The following EFHC2 variants were observed in gnomAD, a reference collection of about 807,000 sequenced individuals.
EFHC2 encodes EF-hand domain containing 2.
EFHC2 carries 18 observed loss-of-function variants against 52.7 expected under a neutral mutation model. The observed-to-expected ratio is 0.34, with a 90% CI of 0.24 to 0.51. The LOEUF (loss-of-function observed/expected upper bound fraction) is 0.51. Among genes scored for constraint, EFHC2 ranks in the 20% least tolerant of loss-of-function variants. The pLI, the probability that EFHC2 is intolerant of heterozygous loss-of-function variation, is 0.97. For missense variants in EFHC2, 513 were observed against 562.5 expected (o/e 0.91, Z 0.89); for synonymous variants, 203 against 204.1 (o/e 0.99, Z 0.04).
At chrX:44,341,174 T>C (rs1457010461) in intron 1 of EFHC2, among the ~76,000 whole-genome samples, 1 of 111,696 alleles carries the variant, frequency 9.0e-6, no homozygotes, top group Admixed American at 9.6e-5. Context: ...ACCAAACATT[T>C]CCATTGATAA....
Position 44,248,790 on chromosome X carries a change from T to C in EFHC2, c.972+13A>G, listed in dbSNP as rs768210054. 4 of 1,180,494 alleles carry C rather than the reference T, an allele frequency of 3.4e-6. No homozygotes were observed. The South Asian group carries it at 7.2e-5, about 21-fold the overall frequency. ...CACACTAGAAACAGGTAATAAAATA[T>C]GAGGTTCCTTCCCTTATATCTATCG... On this transcript the variant is annotated intron_variant, in intron 6 of 14. Coordinates refer to ENST00000420999, the MANE Select transcript of EFHC2 (RefSeq NM_025184.4).
intron 13 of EFHC2, among the ~76,000 whole-genome samples, chrX:44,168,552 A>G (rs1447316645): frequency 9.2e-6 from 1 of 108,565 alleles, no homozygotes; most frequent in Non-Finnish European, 1.9e-5. Flanking sequence ...AAAAAAAAAG[A>G]AAGCAAGAGC....
chrX:44,274,448 C>T (rs1303930997), intron 2 of EFHC2, among the ~76,000 whole-genome samples: 1 of 111,959 alleles, frequency 8.9e-6, no homozygotes, highest in Non-Finnish European at 1.9e-5. Context: ...GTTGCACAGC[C>T]TTGTGGATAT....
chrX:44,269,359 C>T (rs993786829), intron 3 of EFHC2, among the ~76,000 whole-genome samples: 4 of 110,610 alleles, frequency 3.6e-5, no homozygotes, highest in Non-Finnish European at 5.7e-5. Flanking sequence ...TATCATGACT[C>T]AACCACAGAG....
chrX:44,154,295 T>A (rs1022939158), intron 14 of EFHC2, among the ~76,000 whole-genome samples: 3 of 112,722 alleles, frequency 2.7e-5, no homozygotes, highest in Non-Finnish European at 5.6e-5. Flanking sequence ...TTCCTCCACT[T>A]CAAGAGCAGC....
At chrX:44,157,993 C>A (rs1186315645) in intron 14 of EFHC2, among the ~76,000 whole-genome samples, 1 of 111,000 alleles carries the variant, frequency 9.0e-6, no homozygotes, top group Non-Finnish European at 1.9e-5. Context: ...TGGAGGGATG[C>A]CCTGCTAGAA....
At chrX:44,293,670 A>G (rs1264051273) in intron 2 of EFHC2, among the ~76,000 whole-genome samples, 2 of 111,566 alleles carry the variant, frequency 1.8e-5, no homozygotes, top group Admixed American at 9.5e-5. Flanking sequence ...TTTTTCATTA[A>G]TAACCTCTAT....
chrX:44,259,145 C>T (rs1446212941), intron 4 of EFHC2, among the ~76,000 whole-genome samples: 1 of 111,836 alleles, frequency 8.9e-6, no homozygotes, highest in Non-Finnish European at 1.9e-5. Context: ...TTGGAACCAA[C>T]GCAAATGCTC....
rs986409116 is a variant in EFHC2 at position 44,182,064 on chromosome X, G to A, written c.1752-3500C>T. Among the ~76,000 whole-genome samples, 7 of 111,439 alleles carry A rather than the reference G, an allele frequency of 6.3e-5. No individual in the cohort carries two copies. The South Asian group carries it at 1.1e-3, about 18-fold the overall frequency. On this transcript the variant is annotated intron_variant, in intron 11 of 14. Coordinates refer to ENST00000420999, the MANE Select transcript of EFHC2 (RefSeq NM_025184.4). ...ACCCCAAAGAAAGCTCATACCCATT[G>A]AGCAACCACGCCTCTTTCCTCCCTC...
chrX:44,310,872 A>G (rs2037943705), intron 2 of EFHC2, among the ~76,000 whole-genome samples: 1 of 112,323 alleles, frequency 8.9e-6, no homozygotes, highest in African/African-American at 3.2e-5. Context: ...AAAGGCCTGC[A>G]AAATAGGCTT....
At chrX:44,218,390 C>T (rs893621285) in intron 11 of EFHC2, among the ~76,000 whole-genome samples, 1 of 110,917 alleles carries the variant, frequency 9.0e-6, no homozygotes. Context: ...GGTAAGACAT[C>T]AGTAATTAAA....
chrX:44,307,794 T>C (rs1408434155), intron 2 of EFHC2, among the ~76,000 whole-genome samples: 2 of 110,674 alleles, frequency 1.8e-5, no homozygotes, highest in African/African-American at 6.6e-5. Context: ...ATTAGCCAGG[T>C]GTGGTGGCAC....
chrX:44,178,658 C>A (rs890169546), intron 11 of EFHC2, 94 bp from the exon 12 acceptor site: 19 of 784,382 alleles, frequency 2.4e-5, no homozygotes, highest in Non-Finnish European at 3.4e-5. Context: ...TTCCATTTTA[C>A]AAAACTTTTA....
At chrX:44,298,770 A>C (rs767026242) in intron 2 of EFHC2, among the ~76,000 whole-genome samples, 54 of 102,966 alleles carry the variant, frequency 5.2e-4, no homozygotes, top group Non-Finnish European at 8.2e-4. Flanking sequence ...CTGAGGCAGG[A>C]GAATTGCATG....
At chrX:44,309,758 CA>C in intron 2 of EFHC2, 1 of 983,409 alleles carries the variant, frequency 1.0e-6, no homozygotes, top group South Asian at 1.9e-5. Flanking sequence ...AATATCGATG[CA>C]AAAGAACCAG....
rs147496249 is a variant in EFHC2, at chrX:44,232,713, T to G, written c.1424-36A>C. 753 of 1,136,625 alleles carry G rather than the reference T, an allele frequency of 6.6e-4. 1 individual carries two copies. In the African/African-American group the frequency reaches 0.012, roughly 18 times the overall value. The allele number at this position is 1,136,625 out of a possible 1,213,427, so 93.7% of individuals were successfully genotyped here. ...TAGAAAAGTTCATGAGCAGCCTTTA[T>G]TCTTAAAAGAACCACGTGACTTGCC... On this transcript the variant is annotated intron_variant, in intron 9 of 14. Transcript: ENST00000420999.
chrX:44,183,672 A>G (rs1460364902), intron 11 of EFHC2, among the ~76,000 whole-genome samples: 1 of 112,121 alleles, frequency 8.9e-6, no homozygotes, highest in Non-Finnish European at 1.9e-5. Context: ...ATAGATGGCC[A>G]CTTCACTTTG....
intron 2 of EFHC2, among the ~76,000 whole-genome samples, chrX:44,302,406 C>T (rs944759717): frequency 8.0e-5 from 9 of 112,204 alleles, no homozygotes; most frequent in African/African-American, 2.6e-4. Flanking sequence ...GTAAAAGGCT[C>T]ATTTATGATT....
intron 11 of EFHC2, among the ~76,000 whole-genome samples, chrX:44,216,257 T>A (rs1231030956): frequency 8.9e-6 from 1 of 112,250 alleles, no homozygotes; most frequent in Non-Finnish European, 1.9e-5. Context: ...CACAGAAGAA[T>A]GTCTGGAGCT....
Sources: gnomAD v4.1 joint callset for allele counts (sites outside exome capture counted in the v4.1 genomes callset) on GRCh38, gnomAD v4.1.1 for gene constraint, MANE v1.5 for transcripts, NCBI Gene and HGNC (gene_info 2026-07-23, HGNC 2026-07-21) for gene names.